Variants in HIC1 observed in about 807,000 individuals in gnomAD.
The protein encoded by HIC1 is hypermethylated in cancer 1 protein.
HIC1 carries 9 observed loss-of-function variants against 26.4 expected under a neutral mutation model. The ratio of observed to expected loss-of-function variants is 0.34; its 90% CI spans 0.21 to 0.59. The LOEUF (loss-of-function observed/expected upper bound fraction) is 0.59. HIC1 is among the 20% of genes least tolerant of loss of function. HIC1 has a pLI of 0.82. For missense variants in HIC1, 965 were observed against 1,075.7 expected (o/e 0.90, Z 1.44); for synonymous variants, 631 against 523.1 (o/e 1.21, Z -2.81).
In HIC1 at chr17:2,055,932, C is replaced by T. The variant is rs1365271577; in HGVS notation, c.-21+694C>T. ...GCCGGGACGCGGGTGGGGCGCAGGC[C>T]CGGGTCAGGGCCGCAGCCGGCTGTG... On this transcript the variant is annotated intron_variant, in intron 1 of 1. Coordinates refer to ENST00000619757, the MANE Select transcript of HIC1 (RefSeq NM_006497.4). The surrounding 1 kb of genome is among the most constrained non-coding windows in gnomAD (Gnocchi z 6.4). Among the ~76,000 whole-genome samples the T allele has an allele frequency of 2.0e-5, 3 of 150,394 alleles. No homozygotes were observed. The highest frequency in any genetic ancestry group is 7.3e-5 in the African/African-American group (3 of 41,178).
chr17:2,057,555 C>T lies in HIC1; in HGVS notation c.865C>T (p.Arg289Cys). ...GGCCGCACCGCCTTCCGACCCATTTCGCGGCGGCAGCGGCAGCCCGGGACC... is the reference window on the plus strand; with the variant it reads ...GGCCGCACCGCCTTCCGACCCATTTTGCGGCGGCAGCGGCAGCCCGGGACC... ...EEAAPPSDPF[R>C]GGSGSPGPEP... Residue 289 changes from arginine to cysteine, a missense_variant, in exon 2 of 2, where the codon CGC becomes TGC. This residue lies in a region of HIC1 where 526 missense variants were observed against 525.0 expected (regional missense o/e 1.00). Coordinates refer to ENST00000619757, the MANE Select transcript of HIC1 (RefSeq NM_006497.4). The T allele has an allele frequency of 6.7e-7, 1 of 1,500,238 alleles. No homozygotes were observed. The allele number at this position is 1,500,238 out of a possible 1,614,324, so 92.9% of individuals were successfully genotyped here.
chr17:2,058,118 G>C lies in HIC1; in HGVS notation c.1428G>C (p.Gly476=), dbSNP rs2067692848. The change falls in exon 2 of 2, where the codon GGG becomes GGC. Residue 476 remains glycine (G), a synonymous_variant. Transcript: ENST00000619757. ...GAGGCGGCGGGGACAAGGTCGCCGGGGCTCCGGGTGGCCTGGGAGAGCTGC... is the reference window on the plus strand; with the variant it reads ...GAGGCGGCGGGGACAAGGTCGCCGGCGCTCCGGGTGGCCTGGGAGAGCTGC... The part of the protein sequence containing the change: ...PFGGGGDKVA[G]APGGLGELLR... 1 of 1,600,274 alleles carries C rather than the reference G, an allele frequency of 6.2e-7. No homozygotes were observed. Among genetic ancestry groups the C allele is most frequent in the Non-Finnish European group, 8.5e-7 (1 of 1,176,746 alleles).
intron 1 of HIC1, chr17:2,056,365 G>T: frequency 1.2e-6 from 2 of 1,611,250 alleles, no homozygotes; most frequent in Non-Finnish European, 1.7e-6. Context: ...CTCCAAAAGG[G>T]TCACTGCGCC....
chr17:2,056,499 C>A, intron 1 of HIC1, 172 bp from the exon 2 acceptor site: 1 of 1,333,322 alleles, frequency 7.5e-7, no homozygotes, highest in Non-Finnish European at 1.0e-6. Flanking sequence ...CCGGGCGGGC[C>A]GGCCTGGGCT....
rs373778061 is a variant in HIC1 at position 2,057,989 on chromosome 17, G to C, written c.1299G>C (p.Leu433=). Residue 433 remains leucine (L), a synonymous_variant, in exon 2 of 2, where the codon CTG becomes CTC. Transcript: ENST00000619757. ...CGKGFPSSEQ[L]NAHVEAHVEE... ...AGGGCTTCCCCAGCTCTGAGCAGCT[G>C]AACGCGCACGTGGAGGCTCACGTGG... is the stretch of plus-strand genomic sequence containing the variant. 1 of 1,608,464 alleles carries C rather than the reference G, an allele frequency of 6.2e-7. No homozygotes were observed. Among genetic ancestry groups the C allele is most frequent in the African/African-American group, 1.3e-5 (1 of 74,994 alleles).
At position 2,060,450 on chromosome 17, in the gene HIC1, G is replaced by C. The variant is rs145942290; in HGVS notation, c.*1615G>C. 1 of 152,316 alleles carries C rather than the reference G, an allele frequency of 6.6e-6. No homozygotes were observed. Among genetic ancestry groups the C allele is most frequent in the Admixed American group, 6.5e-5 (1 of 15,288 alleles). 9.4% of individuals were successfully genotyped at this position (152,316 alleles called of 1,614,324 possible). Reference sequence around the variant, plus strand: ...GGAAGTTTCTCCCAGCACAGGAGCCGAGGGTGGAAGGCCCTGGGTGGGAGA... The same window carrying C: ...GGAAGTTTCTCCCAGCACAGGAGCCCAGGGTGGAAGGCCCTGGGTGGGAGA... On this transcript the variant is annotated 3_prime_UTR_variant, in exon 2 of 2. Transcript: ENST00000619757.
At position 2,058,821 on chromosome 17, in the gene HIC1, T is replaced by C. The variant is rs924582239; in HGVS notation, c.2131T>C (p.Phe711Leu). 30 of 1,489,246 alleles carry C rather than the reference T, an allele frequency of 2.0e-5. No homozygotes were observed. In the East Asian group the frequency reaches 6.0e-4, roughly 30 times the overall value. 92.3% of individuals were successfully genotyped at this position (1,489,246 alleles called of 1,614,324 possible). A position where few individuals can be genotyped will look rare whatever the true frequency, so the allele number is the denominator to read the frequency against. Residue 711 changes from phenylalanine to leucine, a missense_variant, in exon 2 of 2, where the codon TTC becomes CTC. This residue lies in a region of HIC1 where 210 missense variants were observed against 179.2 expected (regional missense o/e 1.17). Transcript: ENST00000619757. ...AGPDGRTIDR[F>L]SPT ...GCCCGACGGCCGGACCATCGACCGT[T>C]TCTCTCCCACCTAGAGCGCCCCTCG...
chr17:2,061,609 C>A lies in HIC1; in HGVS notation c.*2774C>A. 1 of 1,572,206 alleles carries A rather than the reference C, an allele frequency of 6.4e-7. No homozygotes were observed. Among genetic ancestry groups the A allele is most frequent in the Admixed American group, 1.8e-5 (1 of 54,130 alleles). ...TCAACAGCACCACCTCCCGCAGTAG[C>A]CGGATTGGCTCCTCTGTGGGCATGA... On this transcript the variant is annotated 3_prime_UTR_variant, in exon 2 of 2. Transcript: ENST00000619757.
chr17:2,058,929 G>C lies in HIC1; in HGVS notation c.*94G>C. On this transcript the variant is annotated 3_prime_UTR_variant, in exon 2 of 2. Transcript: ENST00000619757. ...GCGGCGCGCAGGGCCCACTGTGCCCGGGACAACCGCAGCGTCGCCACAGTG... is the reference window on the plus strand; with the variant it reads ...GCGGCGCGCAGGGCCCACTGTGCCCCGGACAACCGCAGCGTCGCCACAGTG... 5 of 1,133,556 alleles carry C rather than the reference G, an allele frequency of 4.4e-6. No individual in the cohort carries two copies. The highest frequency in any genetic ancestry group is 5.9e-6 in the Non-Finnish European group (5 of 852,274). 70.2% of individuals were successfully genotyped at this position (1,133,556 alleles called of 1,614,324 possible).
chr17:2,061,798 T>A lies in HIC1; in HGVS notation c.*2963T>A. 1.5e-6 allele frequency: 1 copy of A among 667,762 alleles called. No individual in the cohort carries two copies. The highest frequency in any genetic ancestry group is 2.5e-6 in the Non-Finnish European group (1 of 396,958). 41.4% of individuals were successfully genotyped at this position (667,762 alleles called of 1,614,324 possible). On this transcript the variant is annotated 3_prime_UTR_variant, in exon 2 of 2. Transcript: ENST00000619757. ...CTCAGCCCCGGGGACCCTCCCCTGC[T>A]GGCCTAGAGAGGGCTGCACTGGGCT...
intron 1 of HIC1, chr17:2,056,354 T>C (rs778636226): frequency 2.5e-6 from 4 of 1,612,698 alleles, no homozygotes; most frequent in Non-Finnish European, 3.4e-6. Context: ...CGGGTAACTG[T>C]CTCCAAAAGG....
Position 2,058,070 on chromosome 17 carries a change from C to G in HIC1, c.1380C>G (p.Ala460=). The G allele has an allele frequency of 1.3e-6, 2 of 1,581,582 alleles. No homozygotes were observed. The highest frequency in any genetic ancestry group is 1.7e-6 in the Non-Finnish European group (2 of 1,166,642). ...RAEAAEVAAG[A]AGLGPPFGGG... ...AGGCGGCCGAAGTGGCCGCTGGGGC[C>G]GCCGGCCTAGGGCCCCCTTTTGGAG... Residue 460 remains alanine (A), a synonymous_variant, in exon 2 of 2, where the codon GCC becomes GCG. Coordinates refer to ENST00000619757, the MANE Select transcript of HIC1 (RefSeq NM_006497.4).
chr17:2,061,349 G>A lies in HIC1; in HGVS notation c.*2514G>A, dbSNP rs1597309203. 1 of 807,370 alleles carries A rather than the reference G, an allele frequency of 1.2e-6. No individual in the cohort carries two copies. Among genetic ancestry groups the A allele is most frequent in the East Asian group, 2.8e-5 (1 of 35,686 alleles). The allele number at this position is 807,370 out of a possible 1,614,324, so 50.0% of individuals were successfully genotyped here. ...GTGAGGAGCAGGTCCCCCACAGCAT[G>A]GCCGTGGCGTGGGTTGGAAGAGGAT... On this transcript the variant is annotated 3_prime_UTR_variant, in exon 2 of 2. Coordinates refer to ENST00000619757, the MANE Select transcript of HIC1 (RefSeq NM_006497.4).
In HIC1 at chr17:2,055,843, G is replaced by A. The variant is rs1259783036; in HGVS notation, c.-21+605G>A. Among the ~76,000 whole-genome samples the A allele has an allele frequency of 6.6e-6, 1 of 151,502 alleles. No individual in the cohort carries two copies. The highest frequency in any genetic ancestry group is 6.6e-5 in the Admixed American group (1 of 15,220). On this transcript the variant is annotated intron_variant, in intron 1 of 1. Coordinates refer to ENST00000619757, the MANE Select transcript of HIC1 (RefSeq NM_006497.4). The surrounding 1 kb of genome is among the most constrained non-coding windows in gnomAD (Gnocchi z 6.4). ...AGTTTGGGGCGGCGGAGTTCCGGGGGAGAAGGGGCCGGGGGAGCCGCGGAG... is the reference window on the plus strand; with the variant it reads ...AGTTTGGGGCGGCGGAGTTCCGGGGAAGAAGGGGCCGGGGGAGCCGCGGAG...
At position 2,057,463 on chromosome 17, in the gene HIC1, C is replaced by A; in HGVS notation, c.773C>A (p.Ala258Asp). The A allele has an allele frequency of 6.8e-7, 1 of 1,470,518 alleles. No homozygotes were observed. Among genetic ancestry groups the A allele is most frequent in the Non-Finnish European group, 8.9e-7 (1 of 1,118,392 alleles). 91.1% of individuals were successfully genotyped at this position (1,470,518 alleles called of 1,614,324 possible). Residue 258 changes from alanine (A) to aspartate (D), a missense_variant, in exon 2 of 2, where the codon GCC (alanine) becomes GAC (aspartate). Physicochemically the swap from Ala to Asp is moderately radical, Grantham distance 126. Around this residue, in one of 6 missense-constraint regions of HIC1, gnomAD observed 526 missense variants for 525.0 expected, o/e 1.00. Transcript: ENST00000619757. Reference sequence around the variant, plus strand: ...GACAGCCCTCCCAGCGCCGGCCCCGCCGCCTACAAGGAGCCGCCTCTCGCC... The same window carrying A: ...GACAGCCCTCCCAGCGCCGGCCCCGACGCCTACAAGGAGCCGCCTCTCGCC... ...RPDSPPSAGP[A>D]AYKEPPLALP...
rs1176856402 is a variant in HIC1 at position 2,061,343 on chromosome 17, C to T, written c.*2508C>T. 5 of 779,126 alleles carry T rather than the reference C, an allele frequency of 6.4e-6. No individual in the cohort carries two copies. Among genetic ancestry groups the T allele is most frequent in the Non-Finnish European group, 8.0e-6 (4 of 497,182 alleles). The allele number at this position is 779,126 out of a possible 1,614,324, so 48.3% of individuals were successfully genotyped here. ...GGCTCTGTGAGGAGCAGGTCCCCCACAGCATGGCCGTGGCGTGGGTTGGAA... is the reference window on the plus strand; with the variant it reads ...GGCTCTGTGAGGAGCAGGTCCCCCATAGCATGGCCGTGGCGTGGGTTGGAA... On this transcript the variant is annotated 3_prime_UTR_variant, in exon 2 of 2. Coordinates refer to ENST00000619757, the MANE Select transcript of HIC1 (RefSeq NM_006497.4).
In HIC1 at chr17:2,060,353, G is replaced by A. The variant is rs1254952721; in HGVS notation, c.*1518G>A. The A allele has an allele frequency of 6.6e-6, 1 of 152,372 alleles. No individual in the cohort carries two copies. The highest frequency in any genetic ancestry group is 1.9e-4 in the East Asian group (1 of 5,182). 9.4% of individuals were successfully genotyped at this position (152,372 alleles called of 1,614,324 possible). On this transcript the variant is annotated 3_prime_UTR_variant, in exon 2 of 2. Coordinates refer to ENST00000619757, the MANE Select transcript of HIC1 (RefSeq NM_006497.4). ...AGTGTCAGTTTTTCCGGGGAGTGAG[G>A]GCAAAGCTAGAAACCAGGTTAGGCG...
rs1400206993 is a variant in HIC1, at chr17:2,056,700, A to T, written c.10A>T (p.Thr4Ser). The T allele has an allele frequency of 6.3e-7, 1 of 1,599,580 alleles. No homozygotes were observed. The highest frequency in any genetic ancestry group is 8.5e-7 in the Non-Finnish European group (1 of 1,172,220). The change falls in exon 2 of 2, where the codon ACG becomes TCG. Residue 4 changes from threonine (T) to serine (S), a missense_variant. Physicochemically the swap from Thr to Ser is moderately conservative, Grantham distance 58. Around this residue, in one of 6 missense-constraint regions of HIC1, gnomAD observed 64 missense variants for 114.0 expected, o/e 0.56. Coordinates refer to ENST00000619757, the MANE Select transcript of HIC1 (RefSeq NM_006497.4). ...GTGTGCTGGGCAGACGATGCTGGACACGATGGAGGCGCCCGGCCACTCCAG... is the reference window on the plus strand; with the variant it reads ...GTGTGCTGGGCAGACGATGCTGGACTCGATGGAGGCGCCCGGCCACTCCAG... MLD[T>S]MEAPGHSRQL... is the part of the protein sequence containing the mutation.
At position 2,056,917 on chromosome 17, in the gene HIC1, G is replaced by A. The variant is rs762840071; in HGVS notation, c.227G>A (p.Arg76His). Reference sequence around the variant, plus strand: ...GACATGGTGAGCCCGGCCGTGTTCCGCCTGGTGCTGGACTTCATCTACACC... The same window carrying A: ...GACATGGTGAGCCCGGCCGTGTTCCACCTGGTGCTGGACTTCATCTACACC... ...DHDMVSPAVF[R>H]LVLDFIYTGR... is the part of the protein sequence containing the mutation. Residue 76 changes from arginine to histidine, a missense_variant, in exon 2 of 2, where the codon CGC (arginine) becomes CAC (histidine). Arg to His is a conservative substitution (Grantham distance 29). This residue lies in a region of HIC1 where 64 missense variants were observed against 114.0 expected (regional missense o/e 0.56). Transcript: ENST00000619757. The A allele has an allele frequency of 7.4e-6, 12 of 1,612,470 alleles. No homozygotes were observed. In the Middle Eastern group the frequency reaches 1.2e-3, roughly 155 times the overall value.
Sources: allele counts gnomAD v4.1 joint callset (sites outside exome capture counted in the v4.1 genomes callset), GRCh38; gene constraint gnomAD v4.1.1; regional missense constraint gnomAD v4.1.1; non-coding constraint Gnocchi (gnomAD v3.1); transcripts MANE v1.5; gene names NCBI Gene and HGNC (gene_info 2026-07-23, HGNC 2026-07-21).